The following UBXN2B variants were observed in gnomAD, a reference collection of about 807,000 sequenced individuals.
The protein encoded by UBXN2B is UBX domain-containing protein 2B.
A neutral mutation model predicts 37.5 loss-of-function variants in UBXN2B; 19 were observed. The ratio of observed to expected loss-of-function variants is 0.51; its 90% CI spans 0.35 to 0.74. The LOEUF is 0.74. Among genes scored for constraint, UBXN2B ranks in the 30% least tolerant of loss-of-function variants. The pLI, the probability that UBXN2B is intolerant of heterozygous loss-of-function variation, is 0.01. For synonymous variants in UBXN2B, 145 were observed against 143.8 expected, an observed-to-expected ratio of 1.01 and a Z score of -0.06; for missense variants, 370 against 393.2, an observed-to-expected ratio of 0.94 and a Z score of 0.50.
chr8:58,435,653 A>G (rs1180914375), intron 5 of UBXN2B, among the ~76,000 whole-genome samples: 1 of 152,222 alleles, frequency 6.6e-6, no homozygotes, highest in African/African-American at 2.4e-5. Flanking sequence ...CATATTGAGA[A>G]TGAATGTTCT....
chr8:58,442,845 G>A (rs1158692492), intron 6 of UBXN2B, among the ~76,000 whole-genome samples: 1 of 152,200 alleles, frequency 6.6e-6, no homozygotes, highest in East Asian at 1.9e-4. Flanking sequence ...TTCTGCAGAA[G>A]AACAGTCACT....
chr8:58,433,051 G>A (rs1480630207), intron 3 of UBXN2B, 109 bp from the exon 4 acceptor site: 1 of 817,032 alleles, frequency 1.2e-6, no homozygotes, highest in Admixed American at 2.3e-5. Context: ...TCCCCAGTAT[G>A]AGCCACTTTG....
At chr8:58,426,497 C>T (rs1253781990) in intron 2 of UBXN2B, 12 of 714,564 alleles carry the variant, frequency 1.7e-5, no homozygotes, top group East Asian at 2.7e-5. Context: ...TGTGAACCAC[C>T]GTGACCGGCC....
chr8:58,432,889 CTT>C (rs1808318667), intron 3 of UBXN2B, among the ~76,000 whole-genome samples: 1 of 151,600 alleles, frequency 6.6e-6, no homozygotes, highest in African/African-American at 2.4e-5. Flanking sequence ...AGAAACGTGT[CTT>C]TTTAAAAAAG....
At chr8:58,443,449 G>T (rs1413241694) in intron 6 of UBXN2B, among the ~76,000 whole-genome samples, 1 of 152,004 alleles carries the variant, frequency 6.6e-6, no homozygotes, top group African/African-American at 2.4e-5. Flanking sequence ...ATGATAGGGA[G>T]AAAGTTTTAA....
At chr8:58,446,322 T>A (rs1162443943) in intron 7 of UBXN2B, among the ~76,000 whole-genome samples, 46 of 152,136 alleles carry the variant, frequency 3.0e-4, no homozygotes, top group Admixed American at 3.0e-3. Flanking sequence ...AAAAATAAAT[T>A]AAGAACTATA....
At chr8:58,439,932 A>G (rs1808502440) in intron 6 of UBXN2B, among the ~76,000 whole-genome samples, 162 bp downstream of exon 6, 1 of 139,454 alleles carries the variant, frequency 7.2e-6, no homozygotes, top group Non-Finnish European at 1.6e-5. Flanking sequence ...ATCATGTGAT[A>G]CCATTATATC....
At chr8:58,434,209 T>TGTG (rs944398480) in intron 4 of UBXN2B, among the ~76,000 whole-genome samples, 186 bp from the exon 5 acceptor site, 45 of 152,280 alleles carry the variant, frequency 3.0e-4, no homozygotes, top group African/African-American at 1.1e-3. Context: ...AACAAACACA[T>TGTG]GTGGTTTCAT....
In UBXN2B at chr8:58,445,775, C is replaced by A. The variant is rs77390279; in HGVS notation, c.672-132C>A. ...ATAAGAATCGTAGGATCCAAAATAA[C>A]TTTAATATAATGAAAGAGGTTGAAA... is the stretch of plus-strand genomic sequence containing the variant. On this transcript the variant is annotated intron_variant, in intron 6 of 7. Transcript: ENST00000399598. The A allele has an allele frequency of 6.2e-4, 464 of 750,572 alleles. No individual in the cohort carries two copies. The African/African-American group carries it at 6.5e-3, about 11-fold the overall frequency. The allele number at this position is 750,572 out of a possible 1,614,324, so 46.5% of individuals were successfully genotyped here. A position where few individuals can be genotyped will look rare whatever the true frequency, so the allele number is the denominator to read the frequency against.
chr8:58,439,880 C>A, intron 6 of UBXN2B, 110 bp downstream of exon 6: 1 of 958,086 alleles, frequency 1.0e-6, no homozygotes, highest in Non-Finnish European at 1.5e-6. Context: ...GAACCATGCA[C>A]ATTAGATATA....
chr8:58,412,328 C>G (rs1460339951), intron 1 of UBXN2B, among the ~76,000 whole-genome samples: 1 of 152,192 alleles, frequency 6.6e-6, no homozygotes, highest in Non-Finnish European at 1.5e-5. Flanking sequence ...ATAAGGACAT[C>G]AAATCCTTAG....
chr8:58,442,257 G>A (rs184166420), intron 6 of UBXN2B, among the ~76,000 whole-genome samples: 2 of 152,276 alleles, frequency 1.3e-5, no homozygotes, highest in African/African-American at 2.4e-5. Context: ...GATGATGTGA[G>A]CCTATGTGTT....
chr8:58,425,848 G>C, intron 2 of UBXN2B: 1 of 1,166,796 alleles, frequency 8.6e-7, no homozygotes, highest in South Asian at 1.2e-5. Context: ...GTTCCTGACA[G>C]CAAATCATAA....
chr8:58,416,029 TTTTG>T (rs753445797), intron 1 of UBXN2B, among the ~76,000 whole-genome samples: 9 of 151,946 alleles, frequency 5.9e-5, no homozygotes, highest in South Asian at 2.1e-4. Context: ...TTTTGGGTTT[TTTTG>T]TTTGTTTGTT....
intron 2 of UBXN2B, 60 bp downstream of exon 2, chr8:58,417,013 A>T: frequency 7.3e-7 from 1 of 1,364,828 alleles, no homozygotes; most frequent in Non-Finnish European, 9.9e-7. Context: ...AAATTTACTA[A>T]CTTCAAATTA....
chr8:58,428,716 TAAAGTTGAGGACTTAC>T (rs1585606425), intron 2 of UBXN2B, among the ~76,000 whole-genome samples: 1 of 152,206 alleles, frequency 6.6e-6, no homozygotes, highest in African/African-American at 2.4e-5. Flanking sequence ...CATGAAGAAT[TAAAGTTGAGGACTTAC>T]ACTGCTGCAT....
At chr8:58,443,636 TCCAAAA>T (rs1395546851) in intron 6 of UBXN2B, among the ~76,000 whole-genome samples, 19 of 55,252 alleles carry the variant, frequency 3.4e-4, no homozygotes, top group African/African-American at 1.7e-3. Context: ...CTACTAAAAA[TCCAAAA>T]AAAAAAAAAA....
At chr8:58,446,601 A>T (rs534689278) in intron 7 of UBXN2B, among the ~76,000 whole-genome samples, 73 of 151,910 alleles carry the variant, frequency 4.8e-4, no homozygotes, top group African/African-American at 1.8e-3. Flanking sequence ...ACCCTAATAG[A>T]TATATTTATG....
Position 58,412,980 on chromosome 8 carries a change from C to T in UBXN2B, c.84+1511C>T, listed in dbSNP as rs144607725. Among the ~76,000 whole-genome samples, 220 of 152,290 alleles carry T rather than the reference C, an allele frequency of 1.4e-3. 2 individuals carry two copies. The highest frequency in any genetic ancestry group is 6.8e-3 in the Middle Eastern group (2 of 294). On this transcript the variant is annotated intron_variant, in intron 1 of 7. Transcript: ENST00000399598. ...GTTAATAGAGTGTGTAACTTAATGT[C>T]CTTTCCCTAATTTAAATCCATTTCT...
Sources: allele counts gnomAD v4.1 joint callset (sites outside exome capture counted in the v4.1 genomes callset), GRCh38; gene constraint gnomAD v4.1.1; transcripts MANE v1.5; gene names NCBI Gene and HGNC (gene_info 2026-07-23, HGNC 2026-07-21).